The following HS3ST4 variants were observed in gnomAD, a reference collection of about 807,000 sequenced individuals.
HS3ST4 encodes the protein heparan sulfate glucosamine 3-O-sulfotransferase 4.
Under a neutral mutation model 29.2 loss-of-function variants are expected in HS3ST4, and 17 were observed. The ratio of observed to expected loss-of-function variants is 0.58; its 90% CI spans 0.40 to 0.87. The LOEUF is 0.87. HS3ST4 is among the 40% of genes least tolerant of loss of function. The probability of loss-of-function intolerance (pLI) is 0.00; values close to 1 mark genes in which losing one functional copy is unlikely to be tolerated. For missense variants in HS3ST4, 627 were observed against 634.5 expected (o/e 0.99, Z 0.13); for synonymous variants, 314 against 285.7 (o/e 1.10, Z -1.00).
At chr16:25,881,439 G>A (rs1460336007) in intron 1 of HS3ST4, among the ~76,000 whole-genome samples, 1 of 152,168 alleles carries the variant, frequency 6.6e-6, no homozygotes, top group African/African-American at 2.4e-5. Flanking sequence ...AGATGAAACT[G>A]TCCTTAGACA....
In HS3ST4 at chr16:25,941,599, C is replaced by T. The variant is rs149738033; in HGVS notation, c.735-194013C>T. Among the ~76,000 whole-genome samples, 487 of 151,988 alleles carry T rather than the reference C, an allele frequency of 3.2e-3. 1 individual carries two copies. Among genetic ancestry groups the T allele is most frequent in the African/African-American group, 0.011 (465 of 41,480 alleles). ...TTTTGTTTTTCTTTCTGTTTTGAGACGGAGTCTTGCTCTGTCACCCAGGCT... is the reference window on the plus strand; with the variant it reads ...TTTTGTTTTTCTTTCTGTTTTGAGATGGAGTCTTGCTCTGTCACCCAGGCT... On this transcript the variant is annotated intron_variant, in intron 1 of 1. Transcript: ENST00000331351.
At chr16:26,019,611 G>C (rs1024101528) in intron 1 of HS3ST4, among the ~76,000 whole-genome samples, 1 of 152,102 alleles carries the variant, frequency 6.6e-6, no homozygotes, top group Non-Finnish European at 1.5e-5. Flanking sequence ...AAACACACAG[G>C]GAGGGCGGCG....
At chr16:25,901,181 T>A (rs1464745972) in intron 1 of HS3ST4, among the ~76,000 whole-genome samples, 1 of 152,154 alleles carries the variant, frequency 6.6e-6, no homozygotes, top group Non-Finnish European at 1.5e-5. Context: ...ATTTCTCCCT[T>A]GCCCCTGAGT....
intron 1 of HS3ST4, among the ~76,000 whole-genome samples, chr16:25,873,646 ATCCATCCG>A (rs1451016805): frequency 1.6e-5 from 1 of 61,536 alleles, no homozygotes; most frequent in African/African-American, 5.6e-5. Flanking sequence ...TCATCCATCC[ATCCATCCG>A]TCCGTCCATC....
chr16:25,767,479 T>A (rs1966827667), intron 1 of HS3ST4, among the ~76,000 whole-genome samples: 2 of 152,184 alleles, frequency 1.3e-5, no homozygotes, highest in South Asian at 4.1e-4. Flanking sequence ...GGGGTGACAG[T>A]CCTCAGTATT....
Position 26,049,470 on chromosome 16 carries a change from CTG to C in HS3ST4, c.735-86118_735-86117del, listed in dbSNP as rs113562359. On this transcript the variant is annotated intron_variant, in intron 1 of 1. Coordinates refer to ENST00000331351, the MANE Select transcript of HS3ST4 (RefSeq NM_006040.3). ...TAGTTGCAGTGGGGAATGCGTGCCT[CTG>C]TGTGTGTGTGTGTGTGTGTGTGTAT... Among the ~76,000 whole-genome samples, 453 of 144,452 alleles carry C rather than the reference CTG, an allele frequency of 3.1e-3. 5 individuals are homozygous for C. Among genetic ancestry groups the C allele is most frequent in the South Asian group, 4.7e-3 (21 of 4,498 alleles). 94.8% of individuals were successfully genotyped at this position (144,452 alleles called of 152,430 possible). A position where few individuals can be genotyped will look rare whatever the true frequency, so the allele number is the denominator to read the frequency against.
At chr16:25,911,024 T>C (rs1345548286) in intron 1 of HS3ST4, among the ~76,000 whole-genome samples, 2 of 152,312 alleles carry the variant, frequency 1.3e-5, no homozygotes, top group East Asian at 1.9e-4. Context: ...TAATGTCTGG[T>C]AATATTGGAC....
intron 1 of HS3ST4, among the ~76,000 whole-genome samples, chr16:25,800,317 A>G (rs1966920908): frequency 6.6e-6 from 1 of 152,032 alleles, no homozygotes; most frequent in Non-Finnish European, 1.5e-5. Context: ...TCACCCACTT[A>G]AATATCTTGT....
At chr16:26,064,022 G>C (rs1898512667) in intron 1 of HS3ST4, among the ~76,000 whole-genome samples, 2 of 152,196 alleles carry the variant, frequency 1.3e-5, no homozygotes, top group Admixed American at 1.3e-4. Flanking sequence ...ATCTTAGGGA[G>C]TCGATTAGGT....
At chr16:25,990,008 A>G (rs564936951) in intron 1 of HS3ST4, among the ~76,000 whole-genome samples, 1 of 152,280 alleles carries the variant, frequency 6.6e-6, no homozygotes, top group African/African-American at 2.4e-5. Context: ...TTTCAGAATG[A>G]CATATAGTTG....
At chr16:25,812,451 T>G (rs1437045533) in intron 1 of HS3ST4, among the ~76,000 whole-genome samples, 3 of 152,232 alleles carry the variant, frequency 2.0e-5, no homozygotes, top group Non-Finnish European at 4.4e-5. Flanking sequence ...CCTAATAGTC[T>G]TCTAGTCTTT....
intron 1 of HS3ST4, among the ~76,000 whole-genome samples, chr16:25,889,684 A>AT (rs1967988500): frequency 6.6e-6 from 1 of 152,056 alleles, no homozygotes; most frequent in Non-Finnish European, 1.5e-5. Context: ...AGTAATGGTC[A>AT]TTTTTTGGCT....
intron 1 of HS3ST4, among the ~76,000 whole-genome samples, chr16:26,133,931 G>T (rs1475895018): frequency 1.3e-5 from 2 of 152,198 alleles, no homozygotes; most frequent in Admixed American, 1.3e-4. Context: ...GTGGCAGATG[G>T]CCTGCTGTAC....
chr16:25,819,203 G>C (rs1479029955), intron 1 of HS3ST4, among the ~76,000 whole-genome samples: 3 of 152,270 alleles, frequency 2.0e-5, no homozygotes, highest in East Asian at 3.9e-4. Flanking sequence ...AGTTTGTGAA[G>C]GACCAGAATA....
intron 1 of HS3ST4, 123 bp downstream of exon 1, chr16:25,693,274 G>C: frequency 9.1e-7 from 1 of 1,099,040 alleles, no homozygotes; most frequent in Non-Finnish European, 1.3e-6. Context: ...CCCCGCGAGG[G>C]CTCTGCAAAC....
At chr16:26,062,229 G>A (rs1190204290) in intron 1 of HS3ST4, among the ~76,000 whole-genome samples, 1 of 152,206 alleles carries the variant, frequency 6.6e-6, no homozygotes, top group Admixed American at 6.5e-5. Context: ...AGCATTTAGA[G>A]AAAGACACAC....
chr16:25,922,046 T>C (rs111808118), intron 1 of HS3ST4, among the ~76,000 whole-genome samples: 10,894 of 152,270 alleles, frequency 0.072, 534 homozygotes, highest in Non-Finnish European at 0.096. Context: ...TGAGCCATGG[T>C]GCCTGGTGTC....
At chr16:25,917,334 T>A (rs1278773074) in intron 1 of HS3ST4, among the ~76,000 whole-genome samples, 1 of 152,188 alleles carries the variant, frequency 6.6e-6, no homozygotes. Flanking sequence ...TGCCTTACCC[T>A]CCCGAGTAGC....
chr16:25,709,216 C>T (rs975472265), intron 1 of HS3ST4, among the ~76,000 whole-genome samples: 1 of 151,986 alleles, frequency 6.6e-6, no homozygotes, highest in Non-Finnish European at 1.5e-5. Flanking sequence ...AAAGTGGGTG[C>T]TAGCCTGATT....
Sources: allele counts gnomAD v4.1 joint callset (sites outside exome capture counted in the v4.1 genomes callset), GRCh38; gene constraint gnomAD v4.1.1; transcripts MANE v1.5; gene names NCBI Gene and HGNC (gene_info 2026-07-23, HGNC 2026-07-21).